The following RERE variants were observed in gnomAD, a reference collection of about 807,000 sequenced individuals.
The protein encoded by RERE is arginine-glutamic acid dipeptide repeats protein.
Under a neutral mutation model 146.1 loss-of-function variants are expected in RERE, and 40 were observed. That is an observed-to-expected ratio of 0.27 (90% CI 0.21 to 0.36). RERE has a LOEUF of 0.36. Ranked by LOEUF, RERE falls within the 10% of genes least tolerant of loss-of-function variation. The pLI, the probability that RERE is intolerant of heterozygous loss-of-function variation, is 1.00. For synonymous variants in RERE, 1,003 were observed against 866.0 expected (o/e 1.16, Z -2.78); for missense variants, 1,933 against 2,138.7 (o/e 0.90, Z 1.90).
At chr1:8,748,153 GAGAA>G (rs1557519006) in intron 1 of RERE, among the ~76,000 whole-genome samples, 4 of 152,144 alleles carry the variant, frequency 2.6e-5, no homozygotes, top group Admixed American at 2.6e-4. Flanking sequence ...AATTCTGGGA[GAGAA>G]ACACCCTTAT....
At chr1:8,656,805 A>C (rs1481608581) in intron 1 of RERE, among the ~76,000 whole-genome samples, 1 of 152,214 alleles carries the variant, frequency 6.6e-6, no homozygotes, top group South Asian at 2.1e-4. Flanking sequence ...TAAAGAGGAA[A>C]GAATCTGTAG....
At chr1:8,561,524 G>T (rs1160552011) in intron 4 of RERE, among the ~76,000 whole-genome samples, 1 of 152,118 alleles carries the variant, frequency 6.6e-6, no homozygotes, top group African/African-American at 2.4e-5. Flanking sequence ...GAAAAGTGAA[G>T]GGGTGGAACA....
chr1:8,814,817 G>A (rs1557559361), intron 1 of RERE, among the ~76,000 whole-genome samples: 1 of 152,198 alleles, frequency 6.6e-6, no homozygotes, highest in Non-Finnish European at 1.5e-5. Flanking sequence ...AAGATGAGAA[G>A]GTATCATTCA....
chr1:8,754,400 A>T (rs1640595892), intron 1 of RERE, among the ~76,000 whole-genome samples: 1 of 152,228 alleles, frequency 6.6e-6, no homozygotes, highest in Non-Finnish European at 1.5e-5. Context: ...AGGTTAATAC[A>T]AAAGAATTTC....
At chr1:8,655,937 T>C (rs1385569152) in intron 2 of RERE, 36 bp downstream of exon 2, 10 of 1,597,422 alleles carry the variant, frequency 6.3e-6, no homozygotes, top group Non-Finnish European at 8.5e-6. Flanking sequence ...TCCCCCACTG[T>C]AAACATTGGC....
chr1:8,504,807 T>C (rs1348924439), intron 8 of RERE, among the ~76,000 whole-genome samples: 1 of 151,754 alleles, frequency 6.6e-6, no homozygotes, highest in Non-Finnish European at 1.5e-5. Context: ...GAGACAAGAT[T>C]GTGCCACTGC....
intron 2 of RERE, among the ~76,000 whole-genome samples, chr1:8,650,907 AAAATTAAATT>A (rs1223115894): frequency 1.4e-4 from 21 of 150,770 alleles, no homozygotes; most frequent in Non-Finnish European, 2.8e-4. Context: ...AAAAAAAATA[AAAATTAAATT>A]AAATTAAATA....
chr1:8,476,796 C>T (rs1438017718), intron 10 of RERE, among the ~76,000 whole-genome samples: 2 of 152,178 alleles, frequency 1.3e-5, no homozygotes, highest in Non-Finnish European at 1.5e-5. Flanking sequence ...TCGCTTCTTT[C>T]GCTGTCACAG....
intron 2 of RERE, among the ~76,000 whole-genome samples, chr1:8,634,330 C>A (rs975327615): frequency 6.6e-6 from 1 of 152,204 alleles, no homozygotes; most frequent in Admixed American, 6.5e-5. Flanking sequence ...TTTCTCCCCA[C>A]AAAATGAAGG....
At chr1:8,394,311 C>G (rs946354942) in intron 12 of RERE, among the ~76,000 whole-genome samples, 4 of 152,122 alleles carry the variant, frequency 2.6e-5, no homozygotes, top group African/African-American at 9.7e-5. Context: ...AACATACTGC[C>G]CACAATTCCA....
intron 1 of RERE, among the ~76,000 whole-genome samples, chr1:8,782,824 T>G (rs1641189603): frequency 6.6e-6 from 1 of 152,148 alleles, no homozygotes. Context: ...GAGAATCACT[T>G]GAACCCGGGA....
Position 8,591,284 on chromosome 1 carries a change from A to G in RERE, c.522+23277T>C, listed in dbSNP as rs76225006. Among the ~76,000 whole-genome samples, 16 of 152,316 alleles carry G rather than the reference A, an allele frequency of 1.1e-4. No homozygotes were observed. In the East Asian group the frequency reaches 2.9e-3, roughly 28 times the overall value. On this transcript the variant is annotated intron_variant, in intron 4 of 22. Coordinates refer to ENST00000400908, the MANE Select transcript of RERE (RefSeq NM_001042681.2). ...GCTTTTCTGGGATAAAACAAGTAGA[A>G]AAGTTATATATTGTACAAAAAGAAT...
At chr1:8,413,982 G>T (rs1420788937) in intron 12 of RERE, among the ~76,000 whole-genome samples, 2 of 149,700 alleles carry the variant, frequency 1.3e-5, no homozygotes. Context: ...TTGAACCCGG[G>T]AGACGGAGGC....
intron 12 of RERE, among the ~76,000 whole-genome samples, chr1:8,386,289 A>AT (rs1642680370): frequency 6.6e-6 from 1 of 151,436 alleles, no homozygotes; most frequent in African/African-American, 2.4e-5. Context: ...TATATAAATC[A>AT]TAAGAATAAA....
chr1:8,587,422 A>G (rs79203748), intron 4 of RERE, among the ~76,000 whole-genome samples: 5,657 of 152,282 alleles, frequency 0.037, 148 homozygotes, highest in Middle Eastern at 0.058. Context: ...TTCCCTATCT[A>G]CAATACAAAT....
At chr1:8,682,610 C>G (rs2124399488) in intron 1 of RERE, among the ~76,000 whole-genome samples, 1 of 152,248 alleles carries the variant, frequency 6.6e-6, no homozygotes, top group Middle Eastern at 3.4e-3. Flanking sequence ...TGGTAATAAG[C>G]CTTCCAATGT....
chr1:8,444,920 TA>T (rs58458546), intron 11 of RERE, among the ~76,000 whole-genome samples: 10,540 of 140,720 alleles, frequency 0.075, 719 homozygotes, highest in African/African-American at 0.19. Context: ...TTTCTTTATT[TA>T]AAAAAAAAAA....
chr1:8,713,524 A>C (rs1440352456), intron 1 of RERE, among the ~76,000 whole-genome samples: 1 of 152,128 alleles, frequency 6.6e-6, no homozygotes, highest in Non-Finnish European at 1.5e-5. Context: ...ACCTGAGGTC[A>C]GGAGTTCAAG....
At chr1:8,677,466 A>G (rs1303018163) in intron 1 of RERE, among the ~76,000 whole-genome samples, 1 of 151,882 alleles carries the variant, frequency 6.6e-6, no homozygotes, top group Non-Finnish European at 1.5e-5. Context: ...AAAAAAAAAA[A>G]AAAGAAATTG....
Sources: gnomAD v4.1 joint callset for allele counts (sites outside exome capture counted in the v4.1 genomes callset) on GRCh38, gnomAD v4.1.1 for gene constraint, MANE v1.5 for transcripts, NCBI Gene and HGNC (gene_info 2026-07-23, HGNC 2026-07-21) for gene names.